Variants in CD83 observed in about 807,000 individuals in gnomAD.
CD83 encodes the protein CD83 antigen.
In CD83, 22 loss-of-function variants were observed where a neutral mutation model predicts 24.6. The ratio of observed to expected loss-of-function variants is 0.90; its 90% CI spans 0.64 to 1.28. CD83 has a LOEUF of 1.28. Among genes scored for constraint, CD83 ranks in the 50% most tolerant of loss-of-function variants. The probability of loss-of-function intolerance (pLI) is 0.00; values close to 1 mark genes in which losing one functional copy is unlikely to be tolerated. For synonymous variants in CD83, 101 were observed against 103.5 expected, an observed-to-expected ratio of 0.98 and a Z score of 0.14; for missense variants, 253 against 252.8, an observed-to-expected ratio of 1.00 and a Z score of -0.01.
At chr6:14,123,673 G>A (rs1759724146) in intron 2 of CD83, among the ~76,000 whole-genome samples, 1 of 146,026 alleles carries the variant, frequency 6.8e-6, no homozygotes, top group Non-Finnish European at 1.5e-5. Context: ...TTGGACAATA[G>A]TGGAACAGAG....
Position 14,129,546 on chromosome 6 carries a change from T to C in CD83, c.154-1974T>C, listed in dbSNP as rs908302446. Among the ~76,000 whole-genome samples, 3 of 152,210 alleles carry C rather than the reference T, an allele frequency of 2.0e-5. No homozygotes were observed. Among genetic ancestry groups the C allele is most frequent in the African/African-American group, 4.8e-5 (2 of 41,444 alleles). On this transcript the variant is annotated intron_variant, in intron 2 of 4. Transcript: ENST00000379153. The surrounding 1 kb of genome is among the most constrained non-coding windows in gnomAD (Gnocchi z 4.3). The stretch of plus-strand genomic sequence containing the variant: ...TGCACACCTATGGGCCCCAGTCTTT[T>C]AGCTTCCTCCCATAGATTCTTGATT...
chr6:14,118,248 C>G (rs2113382627), intron 2 of CD83, among the ~76,000 whole-genome samples, 183 bp downstream of exon 2: 1 of 152,278 alleles, frequency 6.6e-6, no homozygotes, highest in South Asian at 2.1e-4. Flanking sequence ...CATCCAGGTA[C>G]AGGGCCGAAT....
At chr6:14,121,520 C>T (rs1191296143) in intron 2 of CD83, among the ~76,000 whole-genome samples, 1 of 149,652 alleles carries the variant, frequency 6.7e-6, no homozygotes, top group Admixed American at 6.7e-5. Context: ...AGGCTTATGC[C>T]TGTAATCCCA....
chr6:14,126,732 T>C (rs554472721), intron 2 of CD83, among the ~76,000 whole-genome samples: 2 of 152,300 alleles, frequency 1.3e-5, no homozygotes, highest in East Asian at 3.9e-4. Context: ...AAAGAGCTGT[T>C]TTTATGATGA....
chr6:14,132,081 G>T (rs1165360729), intron 3 of CD83, among the ~76,000 whole-genome samples: 1 of 152,226 alleles, frequency 6.6e-6, no homozygotes, highest in Non-Finnish European at 1.5e-5. Flanking sequence ...TATTACACCT[G>T]CAAGAGTACA....
upstream of CD83, chr6:14,117,718 G>T (rs1328234024): frequency 3.4e-6 from 3 of 893,422 alleles, no homozygotes; most frequent in Admixed American, 8.3e-5. This position sits in a 1 kb window ranked among gnomAD's most constrained non-coding sequence, Gnocchi z 4.6. Context: ...GGGCTGGCGC[G>T]CAGGGAAGTT....
intron 3 of CD83, among the ~76,000 whole-genome samples, chr6:14,132,164 G>A (rs1408578007): frequency 6.6e-6 from 1 of 152,180 alleles, no homozygotes; most frequent in Non-Finnish European, 1.5e-5. Flanking sequence ...GGCCCTCCTG[G>A]ATCTCCAGCC....
chr6:14,131,613 G>T lies in CD83; in HGVS notation c.247G>T (p.Asp83Tyr). The T allele has an allele frequency of 6.2e-7, 1 of 1,614,022 alleles. No individual in the cohort carries two copies. ...YHQKGQNGSF[D>Y]APNERPYSLK... is the part of the protein sequence containing the mutation. ...TCAGAAGGGGCAAAATGGTTCTTTC[G>T]ACGCCCCCAATGAAAGGCCCTATTC... is the stretch of plus-strand genomic sequence containing the variant. Residue 83 changes from aspartate (D) to tyrosine (Y), a missense_variant, in exon 3 of 5, where the codon GAC becomes TAC. Physicochemically the swap from Asp to Tyr is radical, Grantham distance 160 (BLOSUM62 -3). Transcript: ENST00000379153.
upstream of CD83, chr6:14,117,269 T>A (rs1759547998): frequency 6.6e-6 from 1 of 152,180 alleles, no homozygotes; most frequent in East Asian, 1.9e-4. The surrounding 1 kb of genome is among the most constrained non-coding windows in gnomAD (Gnocchi z 4.6). Context: ...TATCACAGAT[T>A]CTGGAGAAGA....
At chr6:14,121,757 G>A (rs1759676863) in intron 2 of CD83, among the ~76,000 whole-genome samples, 1 of 151,996 alleles carries the variant, frequency 6.6e-6, no homozygotes, top group Non-Finnish European at 1.5e-5. Context: ...GCATAAAAGG[G>A]CATAGCACAA....
intron 2 of CD83, among the ~76,000 whole-genome samples, chr6:14,128,840 C>G (rs1561831186): frequency 6.6e-6 from 1 of 152,196 alleles, no homozygotes. Flanking sequence ...ATCTAACCGT[C>G]AAATAAATTT....
chr6:14,117,897 G>C lies in CD83; in HGVS notation c.37+49G>C. On this transcript the variant is annotated intron_variant, in intron 1 of 4. Transcript: ENST00000379153. The surrounding 1 kb of genome is among the most constrained non-coding windows in gnomAD (Gnocchi z 4.6). The stretch of plus-strand genomic sequence containing the variant: ...CGCCTGTCGCCCCCCGCCCCTCCAC[G>C]ACACCCCCTCCCGTCGGTCGCTTGC... The C allele has an allele frequency of 6.3e-7, 1 of 1,580,336 alleles. No homozygotes were observed. Among genetic ancestry groups the C allele is most frequent in the Non-Finnish European group, 8.6e-7 (1 of 1,167,412 alleles).
intron 3 of CD83, among the ~76,000 whole-genome samples, chr6:14,133,292 TG>T (rs1946267910): frequency 1.3e-5 from 2 of 152,246 alleles, no homozygotes; most frequent in South Asian, 4.1e-4. Context: ...ACATCCGAAG[TG>T]CAGGCAGACA....
At position 14,117,820 on chromosome 6, in the gene CD83, C is replaced by G; in HGVS notation, c.9C>G (p.Arg3=). ...GGCGCAGCGCTCCAGCCATGTCGCG[C>G]GGCCTCCAGCTTCTGCTCCTGAGCT... MS[R]GLQLLLLSCA... Residue 3 remains arginine (R), a synonymous_variant, in exon 1 of 5, where the codon CGC becomes CGG. Coordinates refer to ENST00000379153, the MANE Select transcript of CD83 (RefSeq NM_004233.4). This position sits in a 1 kb window ranked among gnomAD's most constrained non-coding sequence, Gnocchi z 4.6. 1 of 1,563,628 alleles carries G rather than the reference C, an allele frequency of 6.4e-7. No homozygotes were observed. Among genetic ancestry groups the G allele is most frequent in the Non-Finnish European group, 8.6e-7 (1 of 1,162,070 alleles).
At chr6:14,119,196 G>A (rs1469831854) in intron 2 of CD83, among the ~76,000 whole-genome samples, 1 of 152,182 alleles carries the variant, frequency 6.6e-6, no homozygotes, top group South Asian at 2.1e-4. Context: ...TTGCAAAGGT[G>A]CTCTGTGAAT....
At chr6:14,124,159 C>T (rs1581328276) in intron 2 of CD83, among the ~76,000 whole-genome samples, 1 of 152,042 alleles carries the variant, frequency 6.6e-6, no homozygotes, top group African/African-American at 2.4e-5. Flanking sequence ...GTAAAATTTC[C>T]GTGTGTGTCA....
rs1356605058 is a variant in CD83 at position 14,135,396 on chromosome 6, G to A, written c.*160G>A. ...GGAAGGGGATCCCACCCCATTTTCTGTGGGCAGGCCTCGAAAACCATCACA... is the reference window on the plus strand; with the variant it reads ...GGAAGGGGATCCCACCCCATTTTCTATGGGCAGGCCTCGAAAACCATCACA... On this transcript the variant is annotated 3_prime_UTR_variant, in exon 5 of 5. Transcript: ENST00000379153. 2.6e-6 allele frequency: 2 copies of A among 766,614 alleles called. No individual in the cohort carries two copies. Among genetic ancestry groups the A allele is most frequent in the African/African-American group, 3.5e-5 (2 of 57,460 alleles). The allele number at this position is 766,614 out of a possible 1,614,324, so 47.5% of individuals were successfully genotyped here. A position where few individuals can be genotyped will look rare whatever the true frequency, so the allele number is the denominator to read the frequency against.
At position 14,119,112 on chromosome 6, in the gene CD83, C is replaced by T. The variant is rs527702153; in HGVS notation, c.153+1047C>T. 1.3e-3 allele frequency among the ~76,000 whole-genome samples: 200 copies of T among 152,300 alleles called. 1 individual carries two copies. Among genetic ancestry groups the T allele is most frequent in the African/African-American group, 4.5e-3 (188 of 41,558 alleles). ...TGTGTGTGTCTCCTAACTGGATGGT[C>T]AGTTCCCTGGGGGGCAGTGGCTGTA... On this transcript the variant is annotated intron_variant, in intron 2 of 4. Transcript: ENST00000379153.
intron 4 of CD83, among the ~76,000 whole-genome samples, chr6:14,134,313 G>T (rs546688465): frequency 1.5e-4 from 23 of 152,256 alleles, no homozygotes; most frequent in Admixed American, 1.4e-3. Flanking sequence ...ATGGCTGGCC[G>T]GTGCTCAGGC....
Sources: allele counts gnomAD v4.1 joint callset (sites outside exome capture counted in the v4.1 genomes callset), GRCh38; gene constraint gnomAD v4.1.1; non-coding constraint Gnocchi (gnomAD v3.1); transcripts MANE v1.5; gene names NCBI Gene and HGNC (gene_info 2026-07-23, HGNC 2026-07-21).